BRAF: variants seen among roughly 807,000 people sequenced by gnomAD.
BRAF encodes serine/threonine-protein kinase B-raf.
Under a neutral mutation model 104.6 loss-of-function variants are expected in BRAF, and 16 were observed. That is an observed-to-expected ratio of 0.15 (90% CI 0.10 to 0.23). The LOEUF is 0.23. Ranked by LOEUF, BRAF falls within the 10% of genes least tolerant of loss-of-function variation. BRAF has a pLI of 1.00. For missense variants in BRAF, 541 were observed against 937.3 expected (o/e 0.58, Z 5.52); for synonymous variants, 310 against 341.6 (o/e 0.91, Z 1.02).
intron 12 of BRAF, chr7:140,779,699 A>T (rs1800669923): frequency 6.6e-6 from 1 of 152,204 alleles, no homozygotes; most frequent in African/African-American, 2.4e-5. Flanking sequence ...TTGGAAGGCC[A>T]AGGTGGGTGG....
At chr7:140,847,834 A>G (rs1221894926) in intron 2 of BRAF, among the ~76,000 whole-genome samples, 1 of 152,130 alleles carries the variant, frequency 6.6e-6, no homozygotes, top group Non-Finnish European at 1.5e-5. Flanking sequence ...TGGAGTCTGT[A>G]TGACTCCATG....
intron 3 of BRAF, among the ~76,000 whole-genome samples, chr7:140,814,868 A>T (rs1290312071): frequency 2.7e-5 from 4 of 147,564 alleles, no homozygotes; most frequent in African/African-American, 9.9e-5. Context: ...AAAGTTTTTT[A>T]AAAAAACAGT....
rs1342817728 is a variant in BRAF, at chr7:140,720,071, A to C, written c.*6423T>G. On this transcript the variant is annotated 3_prime_UTR_variant, in exon 20 of 20. Transcript: ENST00000644969. ...ATTTCCTTTTTCTTGGTCTAAACCA[A>C]AGAGCAATGACAACTACTGAATAAA... 2.8e-6 allele frequency: 3 copies of C among 1,060,432 alleles called. No individual in the cohort carries two copies. The allele number at this position is 1,060,432 out of a possible 1,614,324, so 65.7% of individuals were successfully genotyped here.
intron 1 of BRAF, among the ~76,000 whole-genome samples, chr7:140,903,475 C>T (rs1342288089): frequency 6.6e-6 from 1 of 152,190 alleles, no homozygotes; most frequent in Non-Finnish European, 1.5e-5. Context: ...CATTACTACT[C>T]ATTGACAATG....
In BRAF at chr7:140,722,863, G is replaced by C. The variant is rs751439300; in HGVS notation, c.*3631C>G. 61 of 1,054,132 alleles carry C rather than the reference G, an allele frequency of 5.8e-5. No individual in the cohort carries two copies. The highest frequency in any genetic ancestry group is 6.5e-5 in the Non-Finnish European group (57 of 872,392). 65.3% of individuals were successfully genotyped at this position (1,054,132 alleles called of 1,614,324 possible). A position where few individuals can be genotyped will look rare whatever the true frequency, so the allele number is the denominator to read the frequency against. ...AGATTCTGAAACGTACCCCTAAACC[G>C]GTTCTGGCACCACTTTCAACAACAT... On this transcript the variant is annotated 3_prime_UTR_variant, in exon 20 of 20. Coordinates refer to ENST00000644969, the MANE Select transcript of BRAF (RefSeq NM_001374258.1).
intron 17 of BRAF, among the ~76,000 whole-genome samples, chr7:140,748,254 A>G (rs1201520427): frequency 6.6e-6 from 1 of 152,220 alleles, no homozygotes; most frequent in Non-Finnish European, 1.5e-5. Flanking sequence ...ACTTAAATGA[A>G]GCAGTAACAT....
At position 140,744,240 on chromosome 7, in the gene BRAF, A is replaced by G. The variant is rs184094520; in HGVS notation, c.2113-4294T>C. On this transcript the variant is annotated intron_variant, in intron 17 of 19. Transcript: ENST00000644969. ...AGGTCAGCCCCGCAGGTGGTTAATC[A>G]TATGACTGAACCCCAATAAAAACTC... is the stretch of plus-strand genomic sequence containing the variant. Among the ~76,000 whole-genome samples, 14 of 152,360 alleles carry G rather than the reference A, an allele frequency of 9.2e-5. No homozygotes were observed. The East Asian group carries it at 2.5e-3, about 27-fold the overall frequency.
At chr7:140,892,891 A>T (rs571734341) in intron 1 of BRAF, among the ~76,000 whole-genome samples, 10 of 152,212 alleles carry the variant, frequency 6.6e-5, no homozygotes, top group Non-Finnish European at 1.5e-4. Flanking sequence ...TTTTAAATTT[A>T]TGTTGGGAAC....
At chr7:140,847,520 T>G (rs191124056) in intron 2 of BRAF, among the ~76,000 whole-genome samples, 2 of 151,382 alleles carry the variant, frequency 1.3e-5, no homozygotes, top group Non-Finnish European at 2.9e-5. Flanking sequence ...GAGGTGGAGG[T>G]TGCAGTGAGC....
chr7:140,765,190 C>A, intron 14 of BRAF, among the ~76,000 whole-genome samples: 2 of 152,150 alleles, frequency 1.3e-5, no homozygotes, highest in East Asian at 1.9e-4. Context: ...GAAAAACAAG[C>A]AATGGGGAAA....
At chr7:140,919,172 A>T (rs1013571573) in intron 1 of BRAF, among the ~76,000 whole-genome samples, 1 of 151,206 alleles carries the variant, frequency 6.6e-6, no homozygotes, top group Non-Finnish European at 1.5e-5. Context: ...AAAAATTATT[A>T]TTTACAATGA....
intron 2 of BRAF, among the ~76,000 whole-genome samples, chr7:140,845,743 A>T (rs1392153079): frequency 6.6e-6 from 1 of 152,058 alleles, no homozygotes; most frequent in East Asian, 1.9e-4. Context: ...CAGTGGCATG[A>T]TCTCGGCTCA....
At chr7:140,879,298 C>T (rs1277497258) in intron 1 of BRAF, among the ~76,000 whole-genome samples, 1 of 151,582 alleles carries the variant, frequency 6.6e-6, no homozygotes, top group Non-Finnish European at 1.5e-5. Flanking sequence ...TCTCCTGCCT[C>T]AGCCTCCCGA....
intron 8 of BRAF, among the ~76,000 whole-genome samples, chr7:140,790,382 T>C (rs1362663210): frequency 6.6e-6 from 1 of 152,190 alleles, no homozygotes; most frequent in African/African-American, 2.4e-5. Context: ...GAAAACTGGA[T>C]ATTTCAACTT....
intron 3 of BRAF, among the ~76,000 whole-genome samples, chr7:140,829,546 T>C (rs1806482207): frequency 1.3e-5 from 2 of 152,266 alleles, no homozygotes; most frequent in South Asian, 2.1e-4. Context: ...ATACCTATTA[T>C]ATTCCACTGA....
chr7:140,746,831 GA>G (rs564277671), intron 17 of BRAF, among the ~76,000 whole-genome samples: 8,459 of 119,034 alleles, frequency 0.071, 261 homozygotes, highest in Middle Eastern at 0.15. Context: ...CTCCGTCTTG[GA>G]AAAAAAAAAA....
chr7:140,768,072 T>G (rs1377572579), intron 14 of BRAF, among the ~76,000 whole-genome samples: 1 of 152,164 alleles, frequency 6.6e-6, no homozygotes, highest in Non-Finnish European at 1.5e-5. Context: ...AAACCCAGTA[T>G]GATTTAAAAC....
rs192417684 is a variant in BRAF at position 140,924,306 on chromosome 7, C to G, written c.138+260G>C. Among the ~76,000 whole-genome samples, 4 of 152,126 alleles carry G rather than the reference C, an allele frequency of 2.6e-5. No individual in the cohort carries two copies. Among genetic ancestry groups the G allele is most frequent in the African/African-American group, 9.7e-5 (4 of 41,450 alleles). On this transcript the variant is annotated intron_variant, in intron 1 of 19. Transcript: ENST00000644969. This position sits in a 1 kb window ranked among gnomAD's most constrained non-coding sequence, Gnocchi z 4.2. ...AGTTTCGCCCCCTATTGATAGCCTC[C>G]CGCTCAACCACCGCTGCCCCAATCC...
intron 1 of BRAF, among the ~76,000 whole-genome samples, chr7:140,853,820 G>A (rs962125916): frequency 2.6e-5 from 4 of 151,804 alleles, no homozygotes; most frequent in Non-Finnish European, 5.9e-5. Flanking sequence ...TATATTTTAC[G>A]TGTTCATTTT....
Sources: gnomAD v4.1 joint callset for allele counts (sites outside exome capture counted in the v4.1 genomes callset) on GRCh38, gnomAD v4.1.1 for gene constraint, Gnocchi (gnomAD v3.1) non-coding constraint, MANE v1.5 for transcripts, NCBI Gene and HGNC (gene_info 2026-07-23, HGNC 2026-07-21) for gene names.